Variants in RPN1 observed in about 807,000 individuals in gnomAD.
RPN1 encodes the protein dolichyl-diphosphooligosaccharide--protein glycosyltransferase subunit 1.
RPN1 carries 12 observed loss-of-function variants against 55.5 expected under a neutral mutation model. That is an observed-to-expected ratio of 0.22 (90% CI 0.14 to 0.35). The LOEUF is 0.35. Ranked by LOEUF, RPN1 falls within the 10% of genes least tolerant of loss-of-function variation. The pLI is 1.00. For missense variants in RPN1, 679 were observed against 761.3 expected (o/e 0.89, Z 1.27); for synonymous variants, 317 against 305.9 (o/e 1.04, Z -0.38).
rs146107622 is a variant in RPN1, at chr3:128,620,546, C to T, written c.1689G>A (p.Leu563=). ...GGCGCTCAGCCTCCACCGCCGACTT[C>T]AGCACCAGCTCCTTGACCTGTGCAT... ...KLDAQVKELV[L]KSAVEAERLV... is the part of the protein sequence containing the mutation. Residue 563 remains leucine (L), a synonymous_variant, in exon 10 of 10, where the codon CTG becomes CTA. Coordinates refer to ENST00000296255, the MANE Select transcript of RPN1 (RefSeq NM_002950.4). 39 of 1,614,056 alleles carry T rather than the reference C, an allele frequency of 2.4e-5. No individual in the cohort carries two copies. The African/African-American group carries it at 3.9e-4, about 16-fold the overall frequency.
At chr3:128,629,141 C>G (rs2069623707) in intron 5 of RPN1, among the ~76,000 whole-genome samples, 2 of 151,800 alleles carry the variant, frequency 1.3e-5, no homozygotes, top group Non-Finnish European at 1.5e-5. Context: ...TTTTGAGTAG[C>G]TAGCAAATTT....
intron 1 of RPN1, among the ~76,000 whole-genome samples, chr3:128,646,301 T>C (rs748353348): frequency 4.0e-5 from 6 of 151,120 alleles, no homozygotes; most frequent in Non-Finnish European, 8.8e-5. Context: ...CCCAGACTGG[T>C]TTCGAACTCT....
intron 3 of RPN1, among the ~76,000 whole-genome samples, chr3:128,635,688 T>TACACACAC (rs2069676192): frequency 8.3e-6 from 1 of 121,198 alleles, no homozygotes; most frequent in Non-Finnish European, 1.7e-5. Flanking sequence ...TATCTATAGA[T>TACACACAC]ATACACACAC....
intron 2 of RPN1, among the ~76,000 whole-genome samples, chr3:128,643,097 C>T (rs916449668): frequency 2.6e-5 from 4 of 151,530 alleles, no homozygotes; most frequent in African/African-American, 7.3e-5. Flanking sequence ...GAGGCCAAGA[C>T]GGGCAGATCA....
rs573846094 is a variant in RPN1, at chr3:128,636,286, C to T, written c.633+1513G>A. On this transcript the variant is annotated intron_variant, in intron 3 of 9. Transcript: ENST00000296255. ...GACCAGCCTGGCCAACATGGAGAAA[C>T]CCCGTCTCTACAAAAAATACAAAAA... 2.6e-5 allele frequency among the ~76,000 whole-genome samples: 4 copies of T among 151,986 alleles called. No individual in the cohort carries two copies. In the East Asian group the frequency reaches 7.7e-4, roughly 29 times the overall value.
chr3:128,636,383 C>G (rs2069682201), intron 3 of RPN1, among the ~76,000 whole-genome samples: 1 of 151,840 alleles, frequency 6.6e-6, no homozygotes. Context: ...ATTGCTTGAA[C>G]CCAGGAGGCA....
intron 2 of RPN1, among the ~76,000 whole-genome samples, chr3:128,640,236 A>C (rs1374644445): frequency 6.6e-6 from 1 of 152,170 alleles, no homozygotes; most frequent in African/African-American, 2.4e-5. Flanking sequence ...ACTAATTCTA[A>C]ACTGAATCAG....
Position 128,650,593 on chromosome 3 carries a change from G to T in RPN1, c.208C>A (p.Leu70Met). 6.5e-7 allele frequency: 1 copy of T among 1,549,612 alleles called. No individual in the cohort carries two copies. The part of the protein sequence containing the change: ...GGSTSRATSF[L>M]LALEPELEAR... ...TCGAGCTCAGGCTCCAAAGCCAGCA[G>T]GAAAGAGGTAGCTCGGGACGTGGAG... The change falls in exon 1 of 10, where the codon CTG becomes ATG. Residue 70 changes from leucine to methionine, a missense_variant. Physicochemically the swap from Leu to Met is conservative, Grantham distance 15 (BLOSUM62 2). Transcript: ENST00000296255.
chr3:128,629,865 C>A, intron 5 of RPN1, 86 bp downstream of exon 5: 3 of 719,280 alleles, frequency 4.2e-6, no homozygotes, highest in Non-Finnish European at 7.0e-6. Context: ...ATGAACACAC[C>A]CCATCTATAA....
chr3:128,640,032 C>A (rs1162778067), intron 2 of RPN1, among the ~76,000 whole-genome samples: 3 of 151,930 alleles, frequency 2.0e-5, no homozygotes, highest in Non-Finnish European at 1.5e-5. Flanking sequence ...ATTAGCCGGG[C>A]GTGGTGGCAG....
At chr3:128,633,408 TG>T (rs1452112800) in intron 3 of RPN1, among the ~76,000 whole-genome samples, 1 of 151,822 alleles carries the variant, frequency 6.6e-6, no homozygotes, top group African/African-American at 2.4e-5. Flanking sequence ...TTGTATTTTT[TG>T]TAGACATGGA....
At chr3:128,639,288 T>G (rs1011403839) in intron 2 of RPN1, among the ~76,000 whole-genome samples, 2 of 151,514 alleles carry the variant, frequency 1.3e-5, no homozygotes, top group African/African-American at 4.8e-5. Context: ...CCATCTCTAC[T>G]AAAAATACAA....
At chr3:128,649,393 G>A (rs1203136531) in intron 1 of RPN1, among the ~76,000 whole-genome samples, 1 of 152,180 alleles carries the variant, frequency 6.6e-6, no homozygotes, top group Non-Finnish European at 1.5e-5. Context: ...GACATTCAAA[G>A]ATGGCAAGGC....
At chr3:128,621,677 T>G (rs2069560775) in intron 9 of RPN1, among the ~76,000 whole-genome samples, 1 of 152,130 alleles carries the variant, frequency 6.6e-6, no homozygotes, top group African/African-American at 2.4e-5. Flanking sequence ...TTCTGAATAT[T>G]TTGCATGCAT....
At chr3:128,643,705 C>G (rs9879928) in intron 2 of RPN1, among the ~76,000 whole-genome samples, 92,687 of 151,544 alleles carry the variant, frequency 0.61, 28,483 homozygotes, top group East Asian at 0.77. Flanking sequence ...CTGCACAGGA[C>G]AATCACTTGA....
chr3:128,620,310 A>G lies in RPN1; in HGVS notation c.*101T>C. Reference sequence around the variant, plus strand: ...TCCTTGAAGGCCTTTTACAGATGTCAGCTTTCACTGGCCTCCATGCACAAC... The same window carrying G: ...TCCTTGAAGGCCTTTTACAGATGTCGGCTTTCACTGGCCTCCATGCACAAC... On this transcript the variant is annotated 3_prime_UTR_variant, in exon 10 of 10. Transcript: ENST00000296255. 2.7e-6 allele frequency: 3 copies of G among 1,103,070 alleles called. No individual in the cohort carries two copies. Among genetic ancestry groups the G allele is most frequent in the Non-Finnish European group, 2.5e-6 (2 of 790,324 alleles). 68.3% of individuals were successfully genotyped at this position (1,103,070 alleles called of 1,614,324 possible).
chr3:128,640,640 T>A (rs1369074498), intron 2 of RPN1, among the ~76,000 whole-genome samples: 1 of 152,122 alleles, frequency 6.6e-6, no homozygotes, highest in Non-Finnish European at 1.5e-5. Flanking sequence ...CAAGTCTTGA[T>A]CTCTCTTAAT....
chr3:128,650,462 C>G, intron 1 of RPN1, 78 bp downstream of exon 1: 1 of 1,394,422 alleles, frequency 7.2e-7, no homozygotes, highest in Non-Finnish European at 9.6e-7. Context: ...TAGAGGGGCG[C>G]GGGCGGAGTC....
chr3:128,628,793 C>A lies in RPN1; in HGVS notation c.1036+1158G>T, dbSNP rs146264375. Among the ~76,000 whole-genome samples, 14 of 151,576 alleles carry A rather than the reference C, an allele frequency of 9.2e-5. No homozygotes were observed. The East Asian group carries it at 2.5e-3, about 27-fold the overall frequency. ...GGTCAGGAGTTCAAAACCTGCCTGA[C>A]CAACGTAGTTAAACCCCATCTCTAC... On this transcript the variant is annotated intron_variant, in intron 5 of 9. Coordinates refer to ENST00000296255, the MANE Select transcript of RPN1 (RefSeq NM_002950.4).
Sources: gnomAD v4.1 joint callset for allele counts (sites outside exome capture counted in the v4.1 genomes callset) on GRCh38, gnomAD v4.1.1 for gene constraint, MANE v1.5 for transcripts, NCBI Gene and HGNC (gene_info 2026-07-23, HGNC 2026-07-21) for gene names.